USP33: variants seen among roughly 807,000 people sequenced by gnomAD.
USP33 encodes the protein ubiquitin specific peptidase 33.
Under a neutral mutation model 124.2 loss-of-function variants are expected in USP33, and 46 were observed. That is an observed-to-expected ratio of 0.37 (90% confidence interval 0.29 to 0.47). The LOEUF (loss-of-function observed/expected upper bound fraction) is 0.47, where lower values mean the gene tolerates loss of function less well. Ranked by LOEUF, USP33 falls within the 20% of genes least tolerant of loss-of-function variation. The probability of loss-of-function intolerance (pLI) is 0.99; values close to 1 mark genes in which losing one functional copy is unlikely to be tolerated. For synonymous variants in USP33, 350 were observed against 352.3 expected (o/e 0.99, Z 0.07); for missense variants, 851 against 1,070.6 (o/e 0.79, Z 2.86).
intron 20 of USP33, among the ~76,000 whole-genome samples, chr1:77,712,096 A>C (rs985930484): frequency 5.3e-5 from 8 of 152,226 alleles, no homozygotes; most frequent in Admixed American, 1.3e-4. Flanking sequence ...AAAATGTTAG[A>C]GCCAACAACA....
At chr1:77,725,541 A>C (rs1677063798) in intron 11 of USP33, 81 bp downstream of exon 11, 2 of 1,485,450 alleles carry the variant, frequency 1.3e-6, no homozygotes. Context: ...CATAATTAAC[A>C]CTTTAAATTA....
rs950808713 is a variant in USP33 at position 77,759,776 on chromosome 1, C to G, written c.-185G>C. Reference sequence around the variant, plus strand: ...CGTCAGGAGGGCCGGAAAACGGCCCCGCAGCGCTGCCCTCGGGGGGTCCGC... The same window carrying G: ...CGTCAGGAGGGCCGGAAAACGGCCCGGCAGCGCTGCCCTCGGGGGGTCCGC... On this transcript the variant is annotated 5_prime_UTR_variant, in exon 1 of 24. Coordinates refer to ENST00000370794, the MANE Select transcript of USP33 (RefSeq NM_201624.3). The G allele has an allele frequency of 2.5e-6, 1 of 397,786 alleles. No homozygotes were observed. Among genetic ancestry groups the G allele is most frequent in the Non-Finnish European group, 4.4e-6 (1 of 225,554 alleles). The allele number at this position is 397,786 out of a possible 1,614,324, so 24.6% of individuals were successfully genotyped here.
chr1:77,751,316 A>G (rs1027837266), intron 1 of USP33, among the ~76,000 whole-genome samples: 4 of 152,312 alleles, frequency 2.6e-5, no homozygotes, highest in Admixed American at 2.6e-4. Context: ...TATGATGTAC[A>G]GCTCCGGTGG....
intron 8 of USP33, 84 bp from the exon 9 acceptor site, chr1:77,730,022 TTAAA>T (rs757380852): frequency 5.3e-5 from 65 of 1,237,220 alleles, no homozygotes; most frequent in Non-Finnish European, 6.7e-5. Flanking sequence ...ATTCAAAGTG[TTAAA>T]TAAATTGAAA....
At position 77,741,747 on chromosome 1, in the gene USP33, A is replaced by C. The variant is rs1679142290; in HGVS notation, c.-50T>G. ...CCCAAGACTTTCAAAATGAGGTAAC[A>C]CCTATAAGAAAAGTAACACACACAA... is the stretch of plus-strand genomic sequence containing the variant. On this transcript the variant is annotated splice_region_variant and 5_prime_UTR_variant, in exon 2 of 24. Coordinates refer to ENST00000370794, the MANE Select transcript of USP33 (RefSeq NM_201624.3). 1 of 1,573,640 alleles carries C rather than the reference A, an allele frequency of 6.4e-7. No homozygotes were observed. The highest frequency in any genetic ancestry group is 8.6e-7 in the Non-Finnish European group (1 of 1,165,632).
intron 1 of USP33, among the ~76,000 whole-genome samples, chr1:77,750,605 C>G (rs1050203670): frequency 7.3e-6 from 1 of 136,270 alleles, no homozygotes; most frequent in African/African-American, 2.8e-5. Context: ...CTGTGCAACA[C>G]AGCAAGACCC....
intron 6 of USP33, 92 bp downstream of exon 6, chr1:77,735,964 T>C: frequency 1.1e-6 from 1 of 942,092 alleles, no homozygotes; most frequent in African/African-American, 1.7e-5. Flanking sequence ...TCAAGCCCAT[T>C]TTACCTCCAC....
rs1453519557 is a variant in USP33 at position 77,701,463 on chromosome 1, T to C, written c.2415A>G (p.Arg805=). The change falls in exon 22 of 24, where the codon AGA becomes AGG. Residue 805 remains arginine (R), a synonymous_variant. Coordinates refer to ENST00000370794, the MANE Select transcript of USP33 (RefSeq NM_201624.3). ...TELEIFIRLN[R]AFQKEDSPAT... is the part of the protein sequence containing the mutation. ...CTGGAGAGTCCTCTTTTTGGAACGCTCTGTTAAGCTACAAGGGGGAAAAAA... is the reference window on the plus strand; with the variant it reads ...CTGGAGAGTCCTCTTTTTGGAACGCCCTGTTAAGCTACAAGGGGGAAAAAA... 1.2e-6 allele frequency: 2 copies of C among 1,611,782 alleles called. No individual in the cohort carries two copies. Among genetic ancestry groups the C allele is most frequent in the South Asian group, 2.2e-5 (2 of 90,710 alleles).
intron 9 of USP33, 95 bp from the exon 10 acceptor site, chr1:77,728,807 T>C: frequency 1.5e-6 from 2 of 1,329,342 alleles, no homozygotes; most frequent in Non-Finnish European, 1.0e-6. Context: ...AACTTATATA[T>C]GAAGGTACAG....
intron 23 of USP33, 105 bp from the exon 24 acceptor site, chr1:77,697,579 A>G: frequency 7.5e-7 from 1 of 1,330,080 alleles, no homozygotes; most frequent in African/African-American, 1.5e-5. Context: ...ATAATTGAGA[A>G]CTTCTGGAAC....
At chr1:77,701,567 C>T in intron 21 of USP33, 96 bp from the exon 22 acceptor site, 6 of 995,750 alleles carry the variant, frequency 6.0e-6, no homozygotes, top group Middle Eastern at 2.1e-4. Context: ...TAACTCAGCA[C>T]TTTGGGAGGC....
At chr1:77,741,825 TTAAAA>T in intron 1 of USP33, 77 bp from the exon 2 acceptor site, 1 of 1,299,388 alleles carries the variant, frequency 7.7e-7, no homozygotes, top group Non-Finnish European at 1.0e-6. Flanking sequence ...AATAAAAAAA[TTAAAA>T]TGTTAACATA....
intron 5 of USP33, 41 bp downstream of exon 5, chr1:77,739,224 G>T: frequency 6.4e-7 from 1 of 1,562,312 alleles, no homozygotes; most frequent in South Asian, 1.2e-5. Flanking sequence ...AATTATTACC[G>T]GAATGTTTTA....
At chr1:77,734,120 T>C (rs775677088) in intron 7 of USP33, among the ~76,000 whole-genome samples, 3 of 152,164 alleles carry the variant, frequency 2.0e-5, no homozygotes, top group Non-Finnish European at 4.4e-5. Flanking sequence ...AAACAATAAC[T>C]TGCTCAAAGA....
chr1:77,758,175 C>CTTTTTTTTTT (rs1185358841), intron 1 of USP33, among the ~76,000 whole-genome samples: 3 of 94,286 alleles, frequency 3.2e-5, no homozygotes, highest in Admixed American at 1.3e-4. Flanking sequence ...TTGTACTGTC[C>CTTTTTTTTTT]TTTTTTTTTT....
At chr1:77,750,510 C>T (rs1011961911) in intron 1 of USP33, among the ~76,000 whole-genome samples, 1 of 150,980 alleles carries the variant, frequency 6.6e-6, no homozygotes, top group African/African-American at 2.4e-5. Flanking sequence ...TGGTGCACAC[C>T]TGTAGTTCCA....
chr1:77,733,955 CTGACA>C (rs1387229295), intron 7 of USP33, among the ~76,000 whole-genome samples: 2 of 152,054 alleles, frequency 1.3e-5, no homozygotes, highest in African/African-American at 4.8e-5. Flanking sequence ...GTAAAACCAC[CTGACA>C]TATCTATTTT....
intron 21 of USP33, among the ~76,000 whole-genome samples, chr1:77,706,515 C>T (rs920484144): frequency 6.6e-6 from 1 of 152,190 alleles, no homozygotes; most frequent in Non-Finnish European, 1.5e-5. Flanking sequence ...CAGTGTTTTA[C>T]CACGTACCAC....
chr1:77,709,104 G>C (rs1209219681), intron 21 of USP33, among the ~76,000 whole-genome samples: 1 of 152,168 alleles, frequency 6.6e-6, no homozygotes, highest in Admixed American at 6.5e-5. Flanking sequence ...GAGTTAAGTA[G>C]AAATGATATA....
Sources: gnomAD v4.1 joint callset for allele counts (sites outside exome capture counted in the v4.1 genomes callset) on GRCh38, gnomAD v4.1.1 for gene constraint, MANE v1.5 for transcripts, NCBI Gene and HGNC (gene_info 2026-07-23, HGNC 2026-07-21) for gene names.